The following CLCN3 variants were observed in gnomAD, a reference collection of about 807,000 sequenced individuals.
The protein encoded by CLCN3 is Cl-/H+ antiporter 3.
In CLCN3, 16 loss-of-function variants were observed where a neutral mutation model predicts 83.4. The observed-to-expected ratio is 0.19, with a 90% CI of 0.13 to 0.29. The LOEUF (loss-of-function observed/expected upper bound fraction) is 0.29, where lower values mean the gene tolerates loss of function less well. Among genes scored for constraint, CLCN3 ranks in the 10% least tolerant of loss-of-function variants. The pLI, the probability that CLCN3 is intolerant of heterozygous loss-of-function variation, is 1.00. For missense variants in CLCN3, 544 were observed against 1,006.0 expected (o/e 0.54, Z 6.21); for synonymous variants, 322 against 346.2 (o/e 0.93, Z 0.78).
At chr4:169,702,777 C>CAAAA (rs60812626) in intron 9 of CLCN3, 1,288 of 245,984 alleles carry the variant, frequency 5.2e-3, no homozygotes, top group South Asian at 0.013. Flanking sequence ...CCCATCTCTA[C>CAAAA]AAAAAAAAAA....
chr4:169,653,847 C>T (rs1730806859), intron 2 of CLCN3, among the ~76,000 whole-genome samples: 1 of 151,908 alleles, frequency 6.6e-6, no homozygotes, highest in Non-Finnish European at 1.5e-5. Context: ...TTGTTGTGAA[C>T]TAACAGAGCA....
chr4:169,664,037 G>A (rs1731159967), intron 2 of CLCN3, among the ~76,000 whole-genome samples: 1 of 152,194 alleles, frequency 6.6e-6, no homozygotes, highest in Non-Finnish European at 1.5e-5. Flanking sequence ...ACTCAATAGG[G>A]CATTCCTGGT....
chr4:169,695,684 C>T lies in CLCN3; in HGVS notation c.1009C>T (p.Leu337=). The T allele has an allele frequency of 1.2e-6, 2 of 1,609,168 alleles. No homozygotes were observed. Among genetic ancestry groups the T allele is most frequent in the Non-Finnish European group, 8.5e-7 (1 of 1,176,070 alleles). Residue 337 remains leucine, a synonymous_variant, in exon 8 of 13, where the codon CTG becomes TTG. Coordinates refer to ENST00000513761, the MANE Select transcript of CLCN3 (RefSeq NM_001829.4). ...GAPIGGVLFS[L]EEVSYYFPLK... is the part of the protein sequence containing the mutation. ...ACCAATTGGAGGAGTTCTTTTTAGC[C>T]TGGAAGAGGTAGGTGAAAAGAATAC...
At chr4:169,629,626 C>T (rs182248858) in intron 1 of CLCN3, among the ~76,000 whole-genome samples, 3 of 152,292 alleles carry the variant, frequency 2.0e-5, no homozygotes, top group African/African-American at 7.2e-5. Flanking sequence ...CCTCCTGGGC[C>T]TCTTAAAGTG....
chr4:169,706,737 T>C (rs1294914332), intron 10 of CLCN3, 131 bp from the exon 11 acceptor site: 2 of 673,894 alleles, frequency 3.0e-6, no homozygotes, highest in Admixed American at 2.7e-5. Context: ...GTAGCAGTTT[T>C]AGATGCTAAT....
At position 169,647,846 on chromosome 4, in the gene CLCN3, TA is replaced by T. The variant is rs1730619849; in HGVS notation, c.160+11759del. On this transcript the variant is annotated intron_variant, in intron 2 of 12. Transcript: ENST00000513761. ...AGTGACTTACTTCCAAAGAATAGAG[TA>T]GGGAAAAACCTGGAAAACACTATCT... is the stretch of plus-strand genomic sequence containing the variant. Among the ~76,000 whole-genome samples the T allele has an allele frequency of 2.0e-5, 3 of 152,060 alleles. No individual in the cohort carries two copies. In the South Asian group the frequency reaches 6.2e-4, roughly 32 times the overall value.
At chr4:169,652,143 CA>C (rs1730748830) in intron 2 of CLCN3, among the ~76,000 whole-genome samples, 1 of 152,176 alleles carries the variant, frequency 6.6e-6, no homozygotes, top group African/African-American at 2.4e-5. Flanking sequence ...GAGGTTAAGA[CA>C]ATAAAGCATA....
chr4:169,630,447 T>G lies in CLCN3; in HGVS notation c.-16-5466T>G, dbSNP rs751755301. Among the ~76,000 whole-genome samples the G allele has an allele frequency of 8.7e-4, 132 of 152,260 alleles. 3 individuals are homozygous for G. The highest frequency in any genetic ancestry group is 4.1e-4 in the Non-Finnish European group (28 of 68,044). On this transcript the variant is annotated intron_variant, in intron 1 of 12. Transcript: ENST00000513761. ...TGGTCTCCAGCAGCATCCCCATTGC[T>G]GCAAAGGACTTGATTTTATTCTTTT...
At chr4:169,711,789 A>G (rs535112445) in intron 11 of CLCN3, among the ~76,000 whole-genome samples, 2 of 152,340 alleles carry the variant, frequency 1.3e-5, no homozygotes, top group East Asian at 3.9e-4. Flanking sequence ...GTTTGCAGTA[A>G]TATCTGCTTC....
intron 1 of CLCN3, among the ~76,000 whole-genome samples, chr4:169,626,687 CTG>C (rs1773244118): frequency 6.6e-6 from 1 of 152,190 alleles, no homozygotes; most frequent in African/African-American, 2.4e-5. Flanking sequence ...ATACAAAAGA[CTG>C]TAGTAAGGCC....
At chr4:169,704,641 A>G (rs925577518) in intron 10 of CLCN3, among the ~76,000 whole-genome samples, 8 of 152,328 alleles carry the variant, frequency 5.3e-5, no homozygotes, top group Middle Eastern at 3.4e-3. Context: ...GTATTTACCC[A>G]TGCTCCATCA....
rs1278905593 is a variant in CLCN3 at position 169,713,102 on chromosome 4, G to A, written c.2173G>A (p.Gly725Ser). Residue 725 changes from glycine to serine, a missense_variant, in exon 12 of 13, where the codon GGT (glycine) becomes AGT (serine). By Grantham distance (56) the Gly-to-Ser change is moderately conservative. This residue lies in a region of CLCN3 where 142 missense variants were observed against 225.0 expected (regional missense o/e 0.63). Transcript: ENST00000513761. ...AGAAAGTGCCAGGAAAAAACAAGAA[G>A]GTATCGTTGGCAGTTCTCGGGTGTG... ...AIESARKKQE[G>S]IVGSSRVCFA... 1 of 1,614,048 alleles carries A rather than the reference G, an allele frequency of 6.2e-7. No homozygotes were observed. The highest frequency in any genetic ancestry group is 1.1e-5 in the South Asian group (1 of 91,060).
rs150897952 is a variant in CLCN3, at chr4:169,626,506, C to A, written c.-17+5443C>A. On this transcript the variant is annotated intron_variant, in intron 1 of 12. Coordinates refer to ENST00000513761, the MANE Select transcript of CLCN3 (RefSeq NM_001829.4). The stretch of plus-strand genomic sequence containing the variant: ...ACTTCTTCTGCCTGTCTGCAGCATT[C>A]CTTCTTCCAGGGTCTGGGGCAAGCT... Among the ~76,000 whole-genome samples the A allele has an allele frequency of 2.9e-3, 448 of 152,372 alleles. 2 individuals carry two copies. Among genetic ancestry groups the A allele is most frequent in the African/African-American group, 0.01 (422 of 41,584 alleles).
chr4:169,692,085 A>T (rs761620062), intron 6 of CLCN3, 29 bp from the exon 7 acceptor site: 2 of 1,362,752 alleles, frequency 1.5e-6, no homozygotes, highest in African/African-American at 2.9e-5. Context: ...CTTAAAGGAC[A>T]TTAAGCTGCC....
At chr4:169,683,318 A>C (rs1210143132) in intron 3 of CLCN3, among the ~76,000 whole-genome samples, 1 of 152,098 alleles carries the variant, frequency 6.6e-6, no homozygotes, top group Non-Finnish European at 1.5e-5. Context: ...GCAAATATGG[A>C]GACTATCTCT....
intron 1 of CLCN3, among the ~76,000 whole-genome samples, chr4:169,630,209 T>G (rs62334531): frequency 0.12 from 18,124 of 152,224 alleles, 1,194 homozygotes; most frequent in East Asian, 0.17. Flanking sequence ...TGCTGCGGTT[T>G]GGGGTACAGT....
intron 12 of CLCN3, among the ~76,000 whole-genome samples, chr4:169,714,624 T>A (rs1353447813): frequency 2.0e-5 from 3 of 152,274 alleles, no homozygotes; most frequent in Non-Finnish European, 4.4e-5. Flanking sequence ...TCTTTCTTTG[T>A]GATTTCTTAA....
intron 2 of CLCN3, among the ~76,000 whole-genome samples, chr4:169,659,043 C>T (rs1449571348): frequency 1.3e-5 from 2 of 152,082 alleles, no homozygotes; most frequent in Non-Finnish European, 2.9e-5. Flanking sequence ...CATGTAAACA[C>T]TTTCAGTTCG....
intron 5 of CLCN3, 23 bp downstream of exon 5, chr4:169,689,253 A>G: frequency 6.3e-7 from 1 of 1,582,518 alleles, no homozygotes; most frequent in South Asian, 1.1e-5. Flanking sequence ...TTGTCTCAAG[A>G]TGAATTAATA....
Sources: allele counts gnomAD v4.1 joint callset (sites outside exome capture counted in the v4.1 genomes callset), GRCh38; gene constraint gnomAD v4.1.1; regional missense constraint gnomAD v4.1.1; transcripts MANE v1.5; gene names NCBI Gene and HGNC (gene_info 2026-07-23, HGNC 2026-07-21).